PRKN: variants seen among roughly 807,000 people sequenced by gnomAD.
PRKN encodes parkin RBR E3 ubiquitin protein ligase, also known as E3 ubiquitin-protein ligase parkin.
In PRKN, 56 loss-of-function variants were observed where a neutral mutation model predicts 59.5. The ratio of observed to expected loss-of-function variants is 0.94; its 90% CI spans 0.76 to 1.18. The LOEUF is 1.18. PRKN is among the 50% of genes most tolerant of loss of function. The pLI, the probability that PRKN is intolerant of heterozygous loss-of-function variation, is 0.00. For missense variants in PRKN, 657 were observed against 596.4 expected (o/e 1.10, Z -1.06); for synonymous variants, 250 against 222.1 (o/e 1.13, Z -1.12).
At chr6:162,516,393 C>T (rs1777857972) in intron 1 of PRKN, among the ~76,000 whole-genome samples, 1 of 152,164 alleles carries the variant, frequency 6.6e-6, no homozygotes, top group Non-Finnish European at 1.5e-5. Flanking sequence ...CTGGACAGAA[C>T]AGTAGTCTCT....
intron 2 of PRKN, among the ~76,000 whole-genome samples, chr6:162,320,376 A>C (rs996947971): frequency 1.4e-5 from 2 of 147,034 alleles, no homozygotes; most frequent in South Asian, 2.1e-4. Flanking sequence ...AAAAAAAAAA[A>C]AAAAAAAACC....
chr6:162,244,632 C>A (rs1395227878), intron 3 of PRKN, among the ~76,000 whole-genome samples: 1 of 151,776 alleles, frequency 6.6e-6, no homozygotes, highest in Non-Finnish European at 1.5e-5. Flanking sequence ...TTTGGGAAAC[C>A]ATTACTCAAA....
At chr6:162,343,771 C>T (rs1784285940) in intron 2 of PRKN, among the ~76,000 whole-genome samples, 1 of 151,972 alleles carries the variant, frequency 6.6e-6, no homozygotes, top group African/African-American at 2.4e-5. Flanking sequence ...AATAATAATG[C>T]AAGATATGCA....
Position 161,373,031 on chromosome 6 carries a change from G to A in PRKN, c.1168-12826C>T, listed in dbSNP as rs569138141. 1.4e-4 allele frequency among the ~76,000 whole-genome samples: 21 copies of A among 152,028 alleles called. No homozygotes were observed. The highest frequency in any genetic ancestry group is 3.4e-3 in the Middle Eastern group (1 of 294). Reference sequence around the variant, plus strand: ...TCACTTTGTTGCCCAGGCTGGTTTCGAATTCTTAGCTTCAAGTGATCCTCC... The same window carrying A: ...TCACTTTGTTGCCCAGGCTGGTTTCAAATTCTTAGCTTCAAGTGATCCTCC... On this transcript the variant is annotated intron_variant, in intron 10 of 11. Coordinates refer to ENST00000366898, the MANE Select transcript of PRKN (RefSeq NM_004562.3). The surrounding 1 kb of genome is among the most constrained non-coding windows in gnomAD (Gnocchi z 4.8).
intron 7 of PRKN, among the ~76,000 whole-genome samples, chr6:161,608,699 AT>A (rs939205505): frequency 1.3e-3 from 186 of 145,230 alleles, no homozygotes; most frequent in Middle Eastern, 3.5e-3. Context: ...CGCCCGGCTA[AT>A]TTTTTTTTTT....
chr6:162,396,399 G>T (rs1473557036), intron 2 of PRKN, among the ~76,000 whole-genome samples: 1 of 152,106 alleles, frequency 6.6e-6, no homozygotes, highest in Non-Finnish European at 1.5e-5. Context: ...TTGTTTTTAG[G>T]TGGGACGTGT....
At chr6:162,680,254 G>C (rs1779720078) in intron 1 of PRKN, among the ~76,000 whole-genome samples, 1 of 150,590 alleles carries the variant, frequency 6.6e-6, no homozygotes, top group Non-Finnish European at 1.5e-5. Context: ...TGTATATACA[G>C]ATACATATAT....
intron 7 of PRKN, among the ~76,000 whole-genome samples, chr6:161,750,159 A>G (rs989994260): frequency 1.3e-5 from 2 of 151,656 alleles, no homozygotes; most frequent in Non-Finnish European, 2.9e-5. Context: ...AAATTAGTAC[A>G]AAATTGTTTT....
intron 5 of PRKN, among the ~76,000 whole-genome samples, chr6:161,992,248 G>A (rs972221935): frequency 1.3e-5 from 2 of 152,088 alleles, no homozygotes; most frequent in African/African-American, 2.4e-5. Context: ...GCTGAGGCAT[G>A]AGAACTGCTT....
rs1488669286 is a variant in PRKN at position 161,578,894 on chromosome 6, T to A, written c.872-9478A>T. On this transcript the variant is annotated intron_variant, in intron 7 of 11. Transcript: ENST00000366898. This position sits in a 1 kb window ranked among gnomAD's most constrained non-coding sequence, Gnocchi z 4.2. ...TATTCTTGGCGCTTTGCCTTCACCTTTGAATTTCATAAAGTTCTTCCTTTG... is the reference window on the plus strand; with the variant it reads ...TATTCTTGGCGCTTTGCCTTCACCTATGAATTTCATAAAGTTCTTCCTTTG... 6.6e-6 allele frequency among the ~76,000 whole-genome samples: 1 copy of A among 152,264 alleles called. No individual in the cohort carries two copies. Among genetic ancestry groups the A allele is most frequent in the Non-Finnish European group, 1.5e-5 (1 of 68,042 alleles).
intron 4 of PRKN, among the ~76,000 whole-genome samples, chr6:162,089,837 C>A (rs1779402881): frequency 6.6e-6 from 1 of 152,122 alleles, no homozygotes. Flanking sequence ...TAGGCAAATT[C>A]ATAGAGACAA....
chr6:161,640,834 A>C (rs1378380874), intron 7 of PRKN, among the ~76,000 whole-genome samples: 1 of 152,228 alleles, frequency 6.6e-6, no homozygotes, highest in Non-Finnish European at 1.5e-5. Context: ...AAAGCTAACA[A>C]TTATATTTCT....
At chr6:162,559,044 G>C (rs947007683) in intron 1 of PRKN, among the ~76,000 whole-genome samples, 2 of 151,868 alleles carry the variant, frequency 1.3e-5, no homozygotes, top group Non-Finnish European at 2.9e-5. Flanking sequence ...CCAGCTACTT[G>C]GGAGGCTGAG....
intron 2 of PRKN, among the ~76,000 whole-genome samples, chr6:162,360,701 G>A (rs1302166460): frequency 1.3e-5 from 2 of 152,076 alleles, no homozygotes; most frequent in South Asian, 2.1e-4. Context: ...ATGAAACACC[G>A]ACAATGGTAA....
In PRKN at chr6:162,700,774, C is replaced by T. The variant is rs115761154; in HGVS notation, c.7+26888G>A. Among the ~76,000 whole-genome samples, 221 of 152,038 alleles carry T rather than the reference C, an allele frequency of 1.5e-3. 3 individuals carry two copies. Among genetic ancestry groups the T allele is most frequent in the African/African-American group, 5.3e-3 (218 of 41,474 alleles). ...GCTTATATCTATCGCACATCTTTTA[C>T]TCCTATTTTCTATTTCTCTCAACTT... On this transcript the variant is annotated intron_variant, in intron 1 of 11. Transcript: ENST00000366898.
intron 1 of PRKN, among the ~76,000 whole-genome samples, chr6:162,533,310 G>T (rs1241543176): frequency 6.6e-6 from 1 of 152,144 alleles, no homozygotes; most frequent in Non-Finnish European, 1.5e-5. Context: ...GGTCAGTTGA[G>T]GTCAGGAGTT....
At chr6:161,645,351 C>T (rs113137575) in intron 7 of PRKN, among the ~76,000 whole-genome samples, 2,610 of 152,002 alleles carry the variant, frequency 0.017, 67 homozygotes, top group African/African-American at 0.059. Flanking sequence ...TGATCTGAAA[C>T]GCACTTGACA....
At chr6:162,661,451 G>T (rs1255855149) in intron 1 of PRKN, among the ~76,000 whole-genome samples, 2 of 152,132 alleles carry the variant, frequency 1.3e-5, no homozygotes, top group African/African-American at 4.8e-5. Flanking sequence ...TAGTAATGAG[G>T]ATATACAAGG....
chr6:162,152,808 T>C (rs1782328829), intron 4 of PRKN, among the ~76,000 whole-genome samples: 1 of 152,224 alleles, frequency 6.6e-6, no homozygotes, highest in Non-Finnish European at 1.5e-5. Context: ...AGTAAATTGT[T>C]TGCTGAAATC....
Sources: allele counts gnomAD v4.1 joint callset (sites outside exome capture counted in the v4.1 genomes callset), GRCh38; gene constraint gnomAD v4.1.1; non-coding constraint Gnocchi (gnomAD v3.1); transcripts MANE v1.5; gene names NCBI Gene and HGNC (gene_info 2026-07-23, HGNC 2026-07-21).